Variants in SARDH observed in about 807,000 individuals in gnomAD.
SARDH encodes sarcosine dehydrogenase, also known as sarcosine dehydrogenase, mitochondrial.
In SARDH, 95 loss-of-function variants were observed where a neutral mutation model predicts 109.1. The ratio of observed to expected loss-of-function variants is 0.87; its 90% CI spans 0.74 to 1.03. SARDH has a LOEUF of 1.03. Among genes scored for constraint, SARDH ranks in the 50% least tolerant of loss-of-function variants. SARDH has a pLI of 0.00. For missense variants in SARDH, 1,267 were observed against 1,287.8 expected (o/e 0.98, Z 0.25); for synonymous variants, 572 against 534.8 (o/e 1.07, Z -0.96).
intron 6 of SARDH, among the ~76,000 whole-genome samples, chr9:133,725,980 G>A (rs531582534): frequency 6.6e-6 from 1 of 152,112 alleles, no homozygotes; most frequent in Admixed American, 6.6e-5. Context: ...CTCCCTCTCC[G>A]CCAGGATCCC....
At chr9:133,716,192 T>A (rs1468090454) in intron 8 of SARDH, among the ~76,000 whole-genome samples, 2 of 152,196 alleles carry the variant, frequency 1.3e-5, no homozygotes, top group South Asian at 2.1e-4. Context: ...AGTCACCCCA[T>A]GCCTCGTGTC....
At chr9:133,717,242 C>T (rs1186057118) in intron 8 of SARDH, 84 bp downstream of exon 8, 2 of 1,534,262 alleles carry the variant, frequency 1.3e-6, no homozygotes, top group African/African-American at 2.7e-5. Flanking sequence ...GTGACACAGG[C>T]TGGTCTCACG....
At chr9:133,670,540 T>G (rs1358950241) in intron 19 of SARDH, 44 bp downstream of exon 19, 1 of 1,544,990 alleles carries the variant, frequency 6.5e-7, no homozygotes, top group South Asian at 1.2e-5. Flanking sequence ...GCCCTGGCTG[T>G]AGGCAGTTGC....
intron 1 of SARDH, 54 bp from the exon 2 acceptor site, chr9:133,734,257 T>G (rs763662316): frequency 4.8e-5 from 61 of 1,258,350 alleles, no homozygotes; most frequent in Non-Finnish European, 6.3e-5. Context: ...CTGGGGGCTG[T>G]GCTGAGTACC....
At chr9:133,702,871 GAC>G in intron 13 of SARDH, 43 bp downstream of exon 13, 1 of 1,571,238 alleles carries the variant, frequency 6.4e-7, no homozygotes, top group East Asian at 2.2e-5. Flanking sequence ...TTATCTGAGG[GAC>G]AGGCAGAAGG....
chr9:133,671,569 C>A lies in SARDH; in HGVS notation c.2292G>T (p.Gly764=). The A allele has an allele frequency of 6.2e-7, 1 of 1,609,032 alleles. No homozygotes were observed. ...AGAKHGLINA[G]YRAIDSLSIE... The stretch of plus-strand genomic sequence containing the variant: ...TGCTCAGGGAGTCGATGGCGCGGTA[C>A]CCTGCGTTGATGAGGCCGTGCTTGG... The change falls in exon 18 of 21, where the codon GGG becomes GGT. Residue 764 remains glycine, a synonymous_variant. Coordinates refer to ENST00000439388, the MANE Select transcript of SARDH (RefSeq NM_001134707.2).
At chr9:133,719,692 G>A (rs1832256209) in intron 6 of SARDH, among the ~76,000 whole-genome samples, 1 of 145,902 alleles carries the variant, frequency 6.9e-6, no homozygotes. Flanking sequence ...GAGGCCCAGG[G>A]AAGGCTTGAG....
At chr9:133,717,905 G>A (rs1169962125) in intron 7 of SARDH, among the ~76,000 whole-genome samples, 1 of 152,176 alleles carries the variant, frequency 6.6e-6, no homozygotes. Flanking sequence ...TGGCACGCTG[G>A]TTTGTTGTCG....
In SARDH at chr9:133,670,575, GAT is replaced by G. The variant is rs1464377441; in HGVS notation, c.2495+7_2495+8del. 1 of 1,567,460 alleles carries G rather than the reference GAT, an allele frequency of 6.4e-7. No individual in the cohort carries two copies. The highest frequency in any genetic ancestry group is 1.2e-5 in the South Asian group (1 of 85,406). On this transcript the variant is annotated splice_region_variant and intron_variant, in intron 19 of 20. Coordinates refer to ENST00000439388, the MANE Select transcript of SARDH (RefSeq NM_001134707.2). ...CTTCCGGGTGGGCGTGGAACAGCGG[GAT>G]ACTCACTCCTCCATGGTGAAGCACA...
chr9:133,665,368 G>A (rs1356702987), intron 20 of SARDH, among the ~76,000 whole-genome samples: 1 of 152,198 alleles, frequency 6.6e-6, no homozygotes, highest in Non-Finnish European at 1.5e-5. Flanking sequence ...TGGGCCCCAG[G>A]GCTGTGGCCC....
Position 133,712,789 on chromosome 9 carries a change from A to C in SARDH, c.1238-80T>G. On this transcript the variant is annotated intron_variant, in intron 9 of 20. Transcript: ENST00000439388. The surrounding 1 kb of genome is among the most constrained non-coding windows in gnomAD (Gnocchi z 4.1). ...TGTCCAAACATGTGCCCCCATCTCC[A>C]CGGACAGCACAGACACTCCAAGCTC... 2.3e-6 allele frequency: 3 copies of C among 1,328,854 alleles called. No individual in the cohort carries two copies. The highest frequency in any genetic ancestry group is 3.2e-6 in the Non-Finnish European group (3 of 945,634). 82.3% of individuals were successfully genotyped at this position (1,328,854 alleles called of 1,614,324 possible). A position where few individuals can be genotyped will look rare whatever the true frequency, so the allele number is the denominator to read the frequency against.
intron 6 of SARDH, among the ~76,000 whole-genome samples, chr9:133,726,505 C>A (rs1832497701): frequency 6.6e-6 from 1 of 152,046 alleles, no homozygotes; most frequent in African/African-American, 2.4e-5. Flanking sequence ...CACCTGGTGG[C>A]CAGGGAAGCC....
intron 19 of SARDH, among the ~76,000 whole-genome samples, chr9:133,669,192 C>T (rs368967596): frequency 9.6e-3 from 3 of 314 alleles, no homozygotes; most frequent in African/African-American, 0.12. Flanking sequence ...CCCTCTCCCT[C>T]ACCCTCCATC....
chr9:133,672,876 A>C (rs983282097), intron 17 of SARDH, among the ~76,000 whole-genome samples: 5 of 152,226 alleles, frequency 3.3e-5, no homozygotes, highest in Non-Finnish European at 5.9e-5. Flanking sequence ...GGTGGGAGGC[A>C]GGAGAGAAAG....
intron 20 of SARDH, among the ~76,000 whole-genome samples, chr9:133,665,950 C>G (rs558570294): frequency 6.6e-6 from 1 of 152,370 alleles, no homozygotes; most frequent in East Asian, 1.9e-4. Flanking sequence ...AGACACGACC[C>G]TCCTCACCGG....
At chr9:133,661,040 A>C (rs971249421), downstream of SARDH, among the ~76,000 whole-genome samples, 2 of 152,028 alleles carry the variant, frequency 1.3e-5, no homozygotes, top group Non-Finnish European at 2.9e-5. Context: ...CTGTCTCTAC[A>C]AAAAATACAA....
At chr9:133,699,896 C>T (rs550923378) in intron 13 of SARDH, among the ~76,000 whole-genome samples, 25 of 152,314 alleles carry the variant, frequency 1.6e-4, no homozygotes, top group Non-Finnish European at 2.9e-4. Context: ...TACATGCATA[C>T]GACACCTGGT....
intron 3 of SARDH, 82 bp from the exon 4 acceptor site, chr9:133,731,566 G>A (rs186710998): frequency 2.5e-5 from 34 of 1,379,566 alleles, no homozygotes; most frequent in Non-Finnish European, 3.0e-5. Flanking sequence ...GGCATCCACC[G>A]CAAACCCCAG....
At chr9:133,735,115 G>A (rs991284335) in intron 1 of SARDH, among the ~76,000 whole-genome samples, 10 of 152,180 alleles carry the variant, frequency 6.6e-5, no homozygotes, top group African/African-American at 2.2e-4. Flanking sequence ...AGGCAGCCTC[G>A]AGACGGGGCA....
Sources: gnomAD v4.1 joint callset for allele counts (sites outside exome capture counted in the v4.1 genomes callset) on GRCh38, gnomAD v4.1.1 for gene constraint, Gnocchi (gnomAD v3.1) non-coding constraint, MANE v1.5 for transcripts, NCBI Gene and HGNC (gene_info 2026-07-23, HGNC 2026-07-21) for gene names.